Variants in DLG2 observed in about 807,000 individuals in gnomAD.
The protein encoded by DLG2 is disks large homolog 2.
A neutral mutation model predicts 132.5 loss-of-function variants in DLG2; 45 were observed. That is an observed-to-expected ratio of 0.34 (90% CI 0.27 to 0.44). The LOEUF is 0.44. Ranked by LOEUF, DLG2 falls within the 20% of genes least tolerant of loss-of-function variation. The pLI is 1.00. For missense variants in DLG2, 1,045 were observed against 1,196.9 expected (o/e 0.87, Z 1.87); for synonymous variants, 424 against 419.6 (o/e 1.01, Z -0.13).
At chr11:84,394,111 A>C (rs555467176) in intron 7 of DLG2, among the ~76,000 whole-genome samples, 207 of 152,274 alleles carry the variant, frequency 1.4e-3, no homozygotes, top group Non-Finnish European at 2.3e-3. Context: ...TCCTGATCTC[A>C]AGCGATCCAC....
rs531319092 is a variant in DLG2 at position 85,191,158 on chromosome 11, G to GCACACACACA, written c.187-36508_187-36507insTGTGTGTGTG. Among the ~76,000 whole-genome samples the GCACACACACA allele has an allele frequency of 5.3e-5, 6 of 113,424 alleles. No individual in the cohort carries two copies. The East Asian group carries it at 1.0e-3, about 20-fold the overall frequency. 74.4% of individuals were successfully genotyped at this position (113,424 alleles called of 152,430 possible). A position where few individuals can be genotyped will look rare whatever the true frequency, so the allele number is the denominator to read the frequency against. On this transcript the variant is annotated intron_variant, in intron 4 of 27. Coordinates refer to ENST00000376104, the MANE Select transcript of DLG2 (RefSeq NM_001142699.3). ...TCTATATGCATGCGCGCGCGCGCAC[G>GCACACACACA]CGCGCACACACACACACACACACAC...
At chr11:85,593,283 T>C (rs892928817) in intron 3 of DLG2, among the ~76,000 whole-genome samples, 1 of 152,204 alleles carries the variant, frequency 6.6e-6, no homozygotes, top group African/African-American at 2.4e-5. Flanking sequence ...AATATATTAC[T>C]TTCCCTGAAT....
chr11:85,524,370 A>G (rs1434456067), intron 3 of DLG2, among the ~76,000 whole-genome samples: 1 of 152,214 alleles, frequency 6.6e-6, no homozygotes, highest in Non-Finnish European at 1.5e-5. Context: ...ATAAACATAT[A>G]CATCTAATAT....
intron 9 of DLG2, among the ~76,000 whole-genome samples, chr11:84,139,536 A>G (rs1259947933): frequency 1.3e-5 from 2 of 151,692 alleles, no homozygotes; most frequent in Admixed American, 1.3e-4. Context: ...ATTATATAAT[A>G]CTTATTAGGG....
intron 6 of DLG2, among the ~76,000 whole-genome samples, chr11:84,943,500 T>C (rs2049772141): frequency 6.6e-6 from 1 of 152,080 alleles, no homozygotes; most frequent in Admixed American, 6.6e-5. Flanking sequence ...GTATCTGTTG[T>C]AGGTTTTTGG....
At chr11:83,825,566 A>G (rs908220732) in intron 17 of DLG2, among the ~76,000 whole-genome samples, 3 of 152,076 alleles carry the variant, frequency 2.0e-5, no homozygotes, top group Non-Finnish European at 4.4e-5. Context: ...GCTTGGGGCA[A>G]TTCATGAGTT....
chr11:85,575,141 C>T (rs1233857970), intron 3 of DLG2, among the ~76,000 whole-genome samples: 1 of 150,692 alleles, frequency 6.6e-6, no homozygotes, highest in Non-Finnish European at 1.5e-5. Context: ...TGGATTCCTA[C>T]CTCATTCACA....
chr11:83,750,791 ATTTAAAAGGTACC>A (rs1262144924), intron 18 of DLG2, among the ~76,000 whole-genome samples: 3 of 152,214 alleles, frequency 2.0e-5, no homozygotes, highest in African/African-American at 7.2e-5. Flanking sequence ...TTCAATAATA[ATTTAAAAGGTACC>A]TTTAGGACTT....
At chr11:84,657,652 A>G (rs750330882) in intron 6 of DLG2, among the ~76,000 whole-genome samples, 1 of 152,120 alleles carries the variant, frequency 6.6e-6, no homozygotes, top group East Asian at 1.9e-4. Flanking sequence ...TCCTGCTCCT[A>G]TGAGAATCTA....
chr11:84,787,220 G>A (rs1486893480), intron 6 of DLG2, among the ~76,000 whole-genome samples: 1 of 151,974 alleles, frequency 6.6e-6, no homozygotes, highest in Non-Finnish European at 1.5e-5. Context: ...TCCATTAGGG[G>A]GCTTCTGTAC....
At chr11:84,088,150 T>C (rs909505136) in intron 10 of DLG2, among the ~76,000 whole-genome samples, 1 of 152,214 alleles carries the variant, frequency 6.6e-6, no homozygotes, top group South Asian at 2.1e-4. Flanking sequence ...AAGTTATCTA[T>C]TTTTTCTTTG....
At chr11:84,804,388 TC>T (rs2075765454) in intron 6 of DLG2, among the ~76,000 whole-genome samples, 3 of 152,200 alleles carry the variant, frequency 2.0e-5, no homozygotes, top group African/African-American at 7.2e-5. Context: ...CCCACGTACT[TC>T]CACTTCCAAG....
intron 19 of DLG2, among the ~76,000 whole-genome samples, chr11:83,624,575 G>C (rs2062174459): frequency 6.6e-6 from 1 of 152,136 alleles, no homozygotes; most frequent in Admixed American, 6.6e-5. Context: ...TAGGAGGCAG[G>C]CTCTAAGTAC....
Position 84,653,010 on chromosome 11 carries a change from C to T in DLG2, c.358-118279G>A, listed in dbSNP as rs997670991. 1.6e-4 allele frequency among the ~76,000 whole-genome samples: 24 copies of T among 151,376 alleles called. 1 individual carries two copies. The highest frequency in any genetic ancestry group is 2.9e-5 in the Non-Finnish European group (2 of 67,948). On this transcript the variant is annotated intron_variant, in intron 6 of 27. Coordinates refer to ENST00000376104, the MANE Select transcript of DLG2 (RefSeq NM_001142699.3). ...GCAGTGGCGTGATCTCAACTCACTG[C>T]AACCTCTACCTCCCGGGTCCAAGTG...
intron 6 of DLG2, among the ~76,000 whole-genome samples, chr11:84,965,026 T>G (rs916389263): frequency 3.3e-5 from 5 of 152,136 alleles, no homozygotes; most frequent in African/African-American, 1.2e-4. Flanking sequence ...CTTTGCCGTG[T>G]ATATTTTAAT....
chr11:85,041,732 A>G (rs1208506506), intron 6 of DLG2, among the ~76,000 whole-genome samples: 1 of 151,972 alleles, frequency 6.6e-6, no homozygotes, highest in Non-Finnish European at 1.5e-5. Context: ...TGCAAAACCA[A>G]TGACATTTAG....
intron 19 of DLG2, among the ~76,000 whole-genome samples, chr11:83,594,854 G>A (rs556083500): frequency 2.0e-5 from 3 of 152,198 alleles, no homozygotes; most frequent in Non-Finnish European, 4.4e-5. Context: ...AGATGGTCCA[G>A]ATTTTAGGAA....
At chr11:84,541,702 C>T (rs2099371936) in intron 6 of DLG2, among the ~76,000 whole-genome samples, 1 of 152,062 alleles carries the variant, frequency 6.6e-6, no homozygotes, top group Non-Finnish European at 1.5e-5. Context: ...GTAAGTTTAA[C>T]TGAATTAAAC....
At chr11:84,947,034 C>T (rs377279736) in intron 6 of DLG2, among the ~76,000 whole-genome samples, 51 of 152,326 alleles carry the variant, frequency 3.3e-4, no homozygotes, top group African/African-American at 1.2e-3. Context: ...CATCACTTTG[C>T]TCTCCCTCTC....
Sources: gnomAD v4.1 joint callset for allele counts (sites outside exome capture counted in the v4.1 genomes callset) on GRCh38, gnomAD v4.1.1 for gene constraint, MANE v1.5 for transcripts, NCBI Gene and HGNC (gene_info 2026-07-23, HGNC 2026-07-21) for gene names.